ANO2: variants seen among roughly 807,000 people sequenced by gnomAD.
ANO2 encodes the protein anoctamin 2.
In ANO2, 101 loss-of-function variants were observed where a neutral mutation model predicts 124.2. That is an observed-to-expected ratio of 0.81 (90% CI 0.69 to 0.96). ANO2 has a LOEUF of 0.96. ANO2 is among the 40% of genes least tolerant of loss of function. ANO2 has a pLI of 0.00. For synonymous variants in ANO2, 486 were observed against 482.5 expected (o/e 1.01, Z -0.09); for missense variants, 1,293 against 1,274.5 (o/e 1.01, Z -0.22).
intron 3 of ANO2, among the ~76,000 whole-genome samples, chr12:5,871,318 A>G (rs2137281318): frequency 6.6e-6 from 1 of 152,292 alleles, no homozygotes; most frequent in African/African-American, 2.4e-5. Context: ...TTTCTTAAAA[A>G]CTGGGTCCTT....
chr12:5,726,496 G>A (rs1032567174), intron 14 of ANO2, among the ~76,000 whole-genome samples: 2 of 152,178 alleles, frequency 1.3e-5, no homozygotes, highest in South Asian at 4.1e-4. Flanking sequence ...GGAGCAAGAG[G>A]TTAAAAGCAT....
chr12:5,683,330 G>A (rs913114742), intron 14 of ANO2, among the ~76,000 whole-genome samples: 1 of 152,150 alleles, frequency 6.6e-6, no homozygotes, highest in African/African-American at 2.4e-5. Context: ...ATCAAAAGCA[G>A]GGATGAAGTG....
At chr12:5,673,170 G>A (rs1157382824) in intron 14 of ANO2, among the ~76,000 whole-genome samples, 2 of 152,162 alleles carry the variant, frequency 1.3e-5, no homozygotes, top group Admixed American at 6.5e-5. Context: ...ATGCAAAAGG[G>A]GCACACTGAA....
intron 3 of ANO2, among the ~76,000 whole-genome samples, chr12:5,855,987 C>A (rs985400401): frequency 2.0e-5 from 3 of 152,172 alleles, no homozygotes; most frequent in Non-Finnish European, 4.4e-5. Flanking sequence ...CTGAAAGTGG[C>A]CTTCAGCAAG....
intron 14 of ANO2, among the ~76,000 whole-genome samples, chr12:5,676,280 C>T (rs1048828846): frequency 1.3e-5 from 2 of 152,222 alleles, no homozygotes; most frequent in African/African-American, 4.8e-5. Context: ...ATGAAAAGAA[C>T]ACTCAGCCAT....
intron 1 of ANO2, among the ~76,000 whole-genome samples, chr12:5,926,159 G>A (rs1942068715): frequency 6.6e-6 from 1 of 152,178 alleles, no homozygotes; most frequent in African/African-American, 2.4e-5. Flanking sequence ...AGCCTTGATA[G>A]CTGTTCTTCC....
Position 5,710,733 on chromosome 12 carries a change from G to A in ANO2, c.1545+21787C>T, listed in dbSNP as rs142997582. On this transcript the variant is annotated intron_variant, in intron 14 of 24. Coordinates refer to ENST00000682330, the MANE Select transcript of ANO2 (RefSeq NM_001364791.2). The stretch of plus-strand genomic sequence containing the variant: ...GGTACATGGGAGTTCTGACTTCTAG[G>A]GAAAATGCTAACCACAAGTAGAGAG... Among the ~76,000 whole-genome samples, 445 of 152,212 alleles carry A rather than the reference G, an allele frequency of 2.9e-3. 2 individuals carry two copies. Among genetic ancestry groups the A allele is most frequent in the African/African-American group, 0.01 (424 of 41,520 alleles).
At chr12:5,581,254 C>CAGA (rs1313412066) in intron 20 of ANO2, among the ~76,000 whole-genome samples, 2 of 152,170 alleles carry the variant, frequency 1.3e-5, no homozygotes, top group African/African-American at 2.4e-5. Flanking sequence ...GAGCTCAGTT[C>CAGA]AGCAGGGCAA....
chr12:5,942,808 T>C (rs763186344), intron 1 of ANO2, among the ~76,000 whole-genome samples: 9 of 152,214 alleles, frequency 5.9e-5, no homozygotes, highest in African/African-American at 9.7e-5. Context: ...TGATGGAGAA[T>C]AGACGTTTCT....
chr12:5,877,635 G>A (rs1019940410), intron 3 of ANO2, among the ~76,000 whole-genome samples: 4 of 152,288 alleles, frequency 2.6e-5, no homozygotes, highest in Middle Eastern at 3.4e-3. Flanking sequence ...AATAATAAAA[G>A]TATCTAGCTC....
chr12:5,751,762 G>C (rs1951448106), intron 10 of ANO2, among the ~76,000 whole-genome samples: 1 of 152,166 alleles, frequency 6.6e-6, no homozygotes, highest in Non-Finnish European at 1.5e-5. Flanking sequence ...CCTGTTAGCA[G>C]ATTTTTAAGT....
intron 1 of ANO2, among the ~76,000 whole-genome samples, chr12:5,926,608 G>A (rs568940383): frequency 6.6e-6 from 1 of 152,286 alleles, no homozygotes; most frequent in Admixed American, 6.5e-5. Context: ...CTAGTTGTGG[G>A]CCACCTACTA....
At chr12:5,579,288 T>A (rs1038168442) in intron 20 of ANO2, among the ~76,000 whole-genome samples, 23 of 152,184 alleles carry the variant, frequency 1.5e-4, no homozygotes, top group Non-Finnish European at 3.2e-4. Flanking sequence ...GTTTTATGTA[T>A]GCCAAGAGAG....
chr12:5,764,328 T>G (rs150254123), intron 10 of ANO2, among the ~76,000 whole-genome samples: 14 of 152,218 alleles, frequency 9.2e-5, no homozygotes, highest in Non-Finnish European at 1.9e-4. Flanking sequence ...CTGAGGTGTA[T>G]TGAGGACTAA....
intron 23 of ANO2, among the ~76,000 whole-genome samples, chr12:5,570,862 T>A (rs942805801): frequency 3.3e-5 from 5 of 152,190 alleles, no homozygotes; most frequent in African/African-American, 1.2e-4. Context: ...CTCCTGGAAT[T>A]GACCCTTAAC....
At chr12:5,595,900 T>C (rs1943636701) in intron 20 of ANO2, among the ~76,000 whole-genome samples, 1 of 152,218 alleles carries the variant, frequency 6.6e-6, no homozygotes, top group Non-Finnish European at 1.5e-5. Context: ...TCATATCACA[T>C]GACTTTAGGA....
chr12:5,768,056 C>G (rs1055152923), intron 10 of ANO2, among the ~76,000 whole-genome samples: 1 of 152,218 alleles, frequency 6.6e-6, no homozygotes, highest in African/African-American at 2.4e-5. Context: ...GACCTACTAT[C>G]TGGGCAGTGC....
At chr12:5,887,489 G>A (rs190939302) in intron 3 of ANO2, among the ~76,000 whole-genome samples, 26 of 152,318 alleles carry the variant, frequency 1.7e-4, no homozygotes, top group African/African-American at 5.1e-4. Flanking sequence ...CTCCTCAGCA[G>A]AGCCTGCCAA....
At chr12:5,716,486 G>A (rs1291106591) in intron 14 of ANO2, among the ~76,000 whole-genome samples, 1 of 152,148 alleles carries the variant, frequency 6.6e-6, no homozygotes, top group East Asian at 1.9e-4. Context: ...GTGGTGCTAG[G>A]AGGATTAATT....
Sources: allele counts gnomAD v4.1 joint callset (sites outside exome capture counted in the v4.1 genomes callset), GRCh38; gene constraint gnomAD v4.1.1; transcripts MANE v1.5; gene names NCBI Gene and HGNC (gene_info 2026-07-23, HGNC 2026-07-21).